The following SLC9A1 variants were observed in gnomAD, a reference collection of about 807,000 sequenced individuals.
SLC9A1 encodes the protein sodium/hydrogen exchanger 1.
SLC9A1 carries 22 observed loss-of-function variants against 67.9 expected under a neutral mutation model. That is an observed-to-expected ratio of 0.32 (90% CI 0.23 to 0.46). The LOEUF (loss-of-function observed/expected upper bound fraction) is 0.46, where lower values mean the gene tolerates loss of function less well. Ranked by LOEUF, SLC9A1 falls within the 20% of genes least tolerant of loss-of-function variation. The probability of loss-of-function intolerance (pLI) is 1.00; values close to 1 mark genes in which losing one functional copy is unlikely to be tolerated. For missense variants in SLC9A1, 686 were observed against 1,094.8 expected (o/e 0.63, Z 5.27); for synonymous variants, 421 against 471.8 (o/e 0.89, Z 1.40).
intron 1 of SLC9A1, among the ~76,000 whole-genome samples, chr1:27,132,831 C>T (rs2083394781): frequency 6.6e-6 from 1 of 152,274 alleles, no homozygotes; most frequent in African/African-American, 2.4e-5. Flanking sequence ...ATTATCATTG[C>T]CACAGTGCTT....
chr1:27,109,769 A>G lies in SLC9A1; in HGVS notation c.822T>C (p.Tyr274=). The G allele has an allele frequency of 1.2e-6, 2 of 1,613,966 alleles. No homozygotes were observed. The highest frequency in any genetic ancestry group is 1.7e-6 in the Non-Finnish European group (2 of 1,180,020). Residue 274 remains tyrosine (Y), a synonymous_variant, in exon 3 of 12, where the codon TAT becomes TAC. Coordinates refer to ENST00000263980, the MANE Select transcript of SLC9A1 (RefSeq NM_003047.5). The surrounding 1 kb of genome is among the most constrained non-coding windows in gnomAD (Gnocchi z 5.5). ...AGTTGGCAAACTCCTCAAAGAGGTG[A>G]TACAGGACCTGGGGAGGGTGTGCAG... ...LLNDAVTVVL[Y]HLFEEFANYE...
intron 1 of SLC9A1, among the ~76,000 whole-genome samples, chr1:27,136,393 TTTC>T (rs1314264663): frequency 6.6e-6 from 1 of 152,172 alleles, no homozygotes; most frequent in African/African-American, 2.4e-5. Flanking sequence ...AATAAGGGAA[TTTC>T]CAAGCAGAGC....
chr1:27,100,266 A>G lies in SLC9A1; in HGVS notation c.*41T>C. The G allele has an allele frequency of 7.0e-7, 1 of 1,427,054 alleles. No individual in the cohort carries two copies. Among genetic ancestry groups the G allele is most frequent in the African/African-American group, 1.4e-5 (1 of 69,716 alleles). 88.4% of individuals were successfully genotyped at this position (1,427,054 alleles called of 1,614,324 possible). A position where few individuals can be genotyped will look rare whatever the true frequency, so the allele number is the denominator to read the frequency against. On this transcript the variant is annotated 3_prime_UTR_variant, in exon 12 of 12. Coordinates refer to ENST00000263980, the MANE Select transcript of SLC9A1 (RefSeq NM_003047.5). This position sits in a 1 kb window ranked among gnomAD's most constrained non-coding sequence, Gnocchi z 5.6. Reference sequence around the variant, plus strand: ...CCCCAGCAGCCCCTGCTCTGGTGGAAGAGTCTGTGAGGGGACAGGCGCTGC... The same window carrying G: ...CCCCAGCAGCCCCTGCTCTGGTGGAGGAGTCTGTGAGGGGACAGGCGCTGC...
At chr1:27,104,011 C>G (rs2083166390) in intron 5 of SLC9A1, 1 of 150,148 alleles carries the variant, frequency 6.7e-6, no homozygotes, top group Admixed American at 6.6e-5. Context: ...ACTGCAAAAT[C>G]AAGGTAAAAA....
chr1:27,134,971 AGGTGAT>A (rs2083410031), intron 1 of SLC9A1, among the ~76,000 whole-genome samples: 9 of 152,018 alleles, frequency 5.9e-5, no homozygotes, highest in African/African-American at 2.2e-4. Flanking sequence ...TCCTGACCTC[AGGTGAT>A]CTGCCTGCCT....
intron 1 of SLC9A1, among the ~76,000 whole-genome samples, chr1:27,116,034 T>C (rs1023412739): frequency 2.0e-5 from 3 of 152,056 alleles, no homozygotes; most frequent in African/African-American, 4.8e-5. Flanking sequence ...CAGGTAGGAA[T>C]CTGGGCAGTG....
In SLC9A1 at chr1:27,100,312, G is replaced by A; in HGVS notation, c.2443C>T (p.Gln815Ter). 1 of 1,524,782 alleles carries A rather than the reference G, an allele frequency of 6.6e-7. No homozygotes were observed. The highest frequency in any genetic ancestry group is 8.8e-7 in the Non-Finnish European group (1 of 1,136,608). 94.5% of individuals were successfully genotyped at this position (1,524,782 alleles called of 1,614,324 possible). Residue 815 changes from glutamine to a stop codon, truncating the protein, a stop_gained, in exon 12 of 12, where the codon CAG (glutamine) becomes TAG (stop). Transcript: ENST00000263980. LOFTEE classifies it high-confidence loss of function. The surrounding 1 kb of genome is among the most constrained non-coding windows in gnomAD (Gnocchi z 5.6). ...GCTGCCTGCTGGCCCTGGTGTTACTGCCCCTTGGGGAAGAACGGTTCTCCC... is the reference window on the plus strand; with the variant it reads ...GCTGCCTGCTGGCCCTGGTGTTACTACCCCTTGGGGAAGAACGGTTCTCCC... ...GEGEPFFPKG[Q>*]
intron 4 of SLC9A1, 51 bp downstream of exon 4, chr1:27,107,597 C>G (rs771290706): frequency 1.4e-6 from 2 of 1,385,480 alleles, no homozygotes; most frequent in Admixed American, 2.0e-5. Flanking sequence ...CACCACCCCC[C>G]ACACACACCC....
intron 1 of SLC9A1, among the ~76,000 whole-genome samples, chr1:27,126,718 A>T (rs780655883): frequency 1.3e-5 from 2 of 152,196 alleles, no homozygotes; most frequent in Non-Finnish European, 2.9e-5. Context: ...AGCCTGACAC[A>T]TAGTAAGGAT....
chr1:27,153,006 G>C, intron 1 of SLC9A1, among the ~76,000 whole-genome samples: 1 of 152,184 alleles, frequency 6.6e-6, no homozygotes, highest in Non-Finnish European at 1.5e-5. Context: ...GGGACTTCTG[G>C]GCAATGTAGG....
At position 27,106,124 on chromosome 1, in the gene SLC9A1, G is replaced by A. The variant is rs144268651; in HGVS notation, c.1283-37C>T. On this transcript the variant is annotated intron_variant, in intron 4 of 11. Coordinates refer to ENST00000263980, the MANE Select transcript of SLC9A1 (RefSeq NM_003047.5). This position sits in a 1 kb window ranked among gnomAD's most constrained non-coding sequence, Gnocchi z 4.3. ...GGCAGGGGGTGATGAGGGTCAGGTC[G>A]GGCTGTCCCCAGTCCCTCCTGGATT... The A allele has an allele frequency of 7.0e-4, 1,004 of 1,424,544 alleles. 8 individuals are homozygous for A. In the African/African-American group the frequency reaches 0.012, roughly 17 times the overall value. 88.2% of individuals were successfully genotyped at this position (1,424,544 alleles called of 1,614,324 possible).
In SLC9A1 at chr1:27,100,741, A is replaced by G. The variant is rs1026392120; in HGVS notation, c.2111-97T>C. On this transcript the variant is annotated intron_variant, in intron 11 of 11. Coordinates refer to ENST00000263980, the MANE Select transcript of SLC9A1 (RefSeq NM_003047.5). This position sits in a 1 kb window ranked among gnomAD's most constrained non-coding sequence, Gnocchi z 5.6. ...GTCAGTGCCTCCTTCAGGCCTTCTC[A>G]TGAGCACAGCCGTCCCGGTCCCAAC... 6.1e-6 allele frequency: 6 copies of G among 981,506 alleles called. No individual in the cohort carries two copies. Among genetic ancestry groups the G allele is most frequent in the Non-Finnish European group, 9.2e-6 (6 of 654,230 alleles). The allele number at this position is 981,506 out of a possible 1,614,324, so 60.8% of individuals were successfully genotyped here. A position where few individuals can be genotyped will look rare whatever the true frequency, so the allele number is the denominator to read the frequency against.
chr1:27,124,674 T>C (rs1307398221), intron 1 of SLC9A1, among the ~76,000 whole-genome samples: 1 of 152,200 alleles, frequency 6.6e-6, no homozygotes, highest in East Asian at 1.9e-4. Flanking sequence ...TGGGGCCCCT[T>C]CTATCCCTAG....
At chr1:27,102,884 C>G in intron 6 of SLC9A1, 141 bp from the exon 7 acceptor site, 1 of 740,396 alleles carries the variant, frequency 1.4e-6, no homozygotes, top group Non-Finnish European at 2.3e-6. Context: ...GGAGGTGGCG[C>G]CCACACTCCA....
intron 1 of SLC9A1, among the ~76,000 whole-genome samples, chr1:27,127,295 C>T (rs1471643169): frequency 6.6e-6 from 1 of 152,224 alleles, no homozygotes; most frequent in Non-Finnish European, 1.5e-5. Flanking sequence ...GCCACTGAGC[C>T]CAGCCCAGGT....
intron 1 of SLC9A1, among the ~76,000 whole-genome samples, chr1:27,135,343 G>A (rs1288905344): frequency 1.3e-5 from 2 of 152,094 alleles, no homozygotes; most frequent in Admixed American, 1.3e-4. Flanking sequence ...GTGAGCCACT[G>A]TGCACAGATT....
rs2083424805 is a variant in SLC9A1 at position 27,137,043 on chromosome 1, C to A, written c.352+16940G>T. Among the ~76,000 whole-genome samples, 1 of 152,266 alleles carries A rather than the reference C, an allele frequency of 6.6e-6. No homozygotes were observed. The highest frequency in any genetic ancestry group is 1.5e-5 in the Non-Finnish European group (1 of 68,044). ...GTGCCAGATGGAGCCCCATCTGCCC[C>A]CAGGGCCCACCTGCAACGTGCTGTG... On this transcript the variant is annotated intron_variant, in intron 1 of 11. Coordinates refer to ENST00000263980, the MANE Select transcript of SLC9A1 (RefSeq NM_003047.5). The surrounding 1 kb of genome is among the most constrained non-coding windows in gnomAD (Gnocchi z 4.6).
intron 2 of SLC9A1, among the ~76,000 whole-genome samples, chr1:27,110,422 T>C (rs2083220266): frequency 6.6e-6 from 1 of 152,190 alleles, no homozygotes; most frequent in South Asian, 2.1e-4. Context: ...AAGAAATCTC[T>C]ATGTAACAAG....
At chr1:27,125,899 A>C (rs1025470889) in intron 1 of SLC9A1, among the ~76,000 whole-genome samples, 1 of 152,090 alleles carries the variant, frequency 6.6e-6, no homozygotes, top group African/African-American at 2.4e-5. Flanking sequence ...CCAAGAGTGA[A>C]GCTTTTTAAG....
Sources: allele counts gnomAD v4.1 joint callset (sites outside exome capture counted in the v4.1 genomes callset), GRCh38; gene constraint gnomAD v4.1.1; non-coding constraint Gnocchi (gnomAD v3.1); transcripts MANE v1.5; gene names NCBI Gene and HGNC (gene_info 2026-07-23, HGNC 2026-07-21).